DPP6: variants seen among roughly 807,000 people sequenced by gnomAD.
DPP6 encodes the protein dipeptidyl peptidase like 6.
DPP6 carries 69 observed loss-of-function variants against 122.6 expected under a neutral mutation model. That is an observed-to-expected ratio of 0.56 (90% confidence interval 0.46 to 0.69). The LOEUF is 0.69. DPP6 is among the 30% of genes least tolerant of loss of function. DPP6 has a pLI of 0.00. For synonymous variants in DPP6, 418 were observed against 433.1 expected, an observed-to-expected ratio of 0.97 and a Z score of 0.43; for missense variants, 928 against 1,116.9, an observed-to-expected ratio of 0.83 and a Z score of 2.41.
rs951670599 is a variant in DPP6, at chr7:154,343,204, C to T, written c.244-103010C>T. On this transcript the variant is annotated intron_variant, in intron 1 of 25. Transcript: ENST00000377770. The stretch of plus-strand genomic sequence containing the variant: ...TCATTACCTCATTTACTCACTGCAA[C>T]GCCACACACTTTGTGGCTTCCTGAT... Among the ~76,000 whole-genome samples the T allele has an allele frequency of 9.8e-5, 15 of 152,324 alleles. No individual in the cohort carries two copies. The East Asian group carries it at 1.9e-3, about 20-fold the overall frequency.
At chr7:153,808,349 G>C in the DPP6 span, among the ~76,000 whole-genome samples, 1 of 151,078 alleles carries the variant, frequency 6.6e-6, no homozygotes, top group Non-Finnish European at 1.5e-5. Flanking sequence ...GTTTGCACGT[G>C]TGTGTGTGGG....
Position 154,468,516 on chromosome 7 carries a change from A to T in DPP6, c.359-6423A>T, listed in dbSNP as rs554932948. 4.6e-5 allele frequency among the ~76,000 whole-genome samples: 7 copies of T among 152,360 alleles called. No homozygotes were observed. The South Asian group carries it at 1.2e-3, about 27-fold the overall frequency. On this transcript the variant is annotated intron_variant, in intron 2 of 25. Transcript: ENST00000377770. ...AAAGGAATAAACTAGGTAGGGAAAC[A>T]TATCAACCTATCCGCATATAATCAT...
rs551561805 is a variant in DPP6, at chr7:153,928,644, C to A, written c.51+40910C>A. Among the ~76,000 whole-genome samples, 239 of 151,982 alleles carry A rather than the reference C, an allele frequency of 1.6e-3. 1 individual carries two copies. Among genetic ancestry groups the A allele is most frequent in the African/African-American group, 5.2e-3 (217 of 41,474 alleles). On this transcript the variant is annotated intron_variant, in intron 1 of 25. Transcript: ENST00000404039. ...GGCTCTTTTATCAGGGCAACAATCC[C>A]ATTATGACATCTCCACCTCCACAGC...
At chr7:153,931,180 G>C (rs1265631017) in intron 1 of DPP6, among the ~76,000 whole-genome samples, 1 of 152,154 alleles carries the variant, frequency 6.6e-6, no homozygotes, top group Non-Finnish European at 1.5e-5. Flanking sequence ...TAAAAACCCT[G>C]ACTAATTACC....
intron 1 of DPP6, among the ~76,000 whole-genome samples, chr7:154,047,228 G>T (rs1015428885): frequency 1.4e-5 from 2 of 145,470 alleles, no homozygotes; most frequent in African/African-American, 5.6e-5. Flanking sequence ...TCAGCAGAGA[G>T]AACAGACACA....
At chr7:154,112,696 A>G (rs1011369261) in intron 1 of DPP6, among the ~76,000 whole-genome samples, 7 of 152,116 alleles carry the variant, frequency 4.6e-5, no homozygotes, top group Non-Finnish European at 8.8e-5. Flanking sequence ...TAAAACAGGG[A>G]AAAAAACATA....
intron 1 of DPP6, among the ~76,000 whole-genome samples, chr7:154,228,710 G>A (rs1172111124): frequency 1.3e-5 from 2 of 151,944 alleles, no homozygotes; most frequent in African/African-American, 2.4e-5. Context: ...ATGGAAAAGT[G>A]GACTTAAAAG....
At chr7:153,895,557 C>T (rs1267500186) in intron 1 of DPP6, among the ~76,000 whole-genome samples, 1 of 152,144 alleles carries the variant, frequency 6.6e-6, no homozygotes. Context: ...TCTCAGCTCG[C>T]CAGTCTTGTC....
the DPP6 span, among the ~76,000 whole-genome samples, chr7:153,788,229 G>A: frequency 5.3e-5 from 8 of 152,320 alleles, no homozygotes; most frequent in South Asian, 1.5e-3. Flanking sequence ...CCAGCCATGT[G>A]CCAGAAAAGT....
At chr7:153,967,694 G>A (rs1342292058) in intron 1 of DPP6, among the ~76,000 whole-genome samples, 1 of 151,982 alleles carries the variant, frequency 6.6e-6, no homozygotes, top group Admixed American at 6.5e-5. Context: ...CACTGTTGGT[G>A]GTGCTTCATG....
the DPP6 span, among the ~76,000 whole-genome samples, chr7:153,800,510 T>C: frequency 6.6e-6 from 1 of 152,144 alleles, no homozygotes; most frequent in Admixed American, 6.5e-5. Context: ...AACAGCACAG[T>C]GACTACAGTT....
intron 1 of DPP6, among the ~76,000 whole-genome samples, chr7:154,431,295 C>T (rs941464632): frequency 5.9e-5 from 9 of 151,992 alleles, no homozygotes; most frequent in African/African-American, 1.9e-4. Flanking sequence ...CTAGACCCAC[C>T]CTGCTTCCCT....
the DPP6 span, among the ~76,000 whole-genome samples, chr7:153,748,211 C>A: frequency 6.6e-6 from 1 of 152,098 alleles, no homozygotes. Flanking sequence ...CCTCCTCCGC[C>A]CACTCCACTG....
intron 5 of DPP6, among the ~76,000 whole-genome samples, chr7:154,593,636 C>T (rs569569109): frequency 3.1e-4 from 47 of 152,324 alleles, no homozygotes; most frequent in African/African-American, 1.0e-3. Flanking sequence ...CTCAGAAGAA[C>T]GGGCTGCAGC....
intron 1 of DPP6, among the ~76,000 whole-genome samples, chr7:154,147,078 G>C (rs1156527513): frequency 7.9e-5 from 12 of 152,102 alleles, no homozygotes; most frequent in Non-Finnish European, 1.5e-5. Flanking sequence ...CATTTCTCCT[G>C]TCTGAAAAAA....
intron 1 of DPP6, among the ~76,000 whole-genome samples, chr7:154,423,565 T>C (rs1817658688): frequency 6.6e-6 from 1 of 152,168 alleles, no homozygotes; most frequent in Non-Finnish European, 1.5e-5. Context: ...AAGGCCTAGT[T>C]AAAAAAGGAT....
At chr7:154,109,294 TTTC>T (rs1806394687) in intron 1 of DPP6, among the ~76,000 whole-genome samples, 1 of 152,260 alleles carries the variant, frequency 6.6e-6, no homozygotes. Flanking sequence ...TTTTTTCTTT[TTTC>T]TTTTTTCTTT....
chr7:154,178,844 G>A (rs1270631756), intron 1 of DPP6, among the ~76,000 whole-genome samples: 1 of 152,166 alleles, frequency 6.6e-6, no homozygotes, highest in African/African-American at 2.4e-5. Context: ...GCCTCAGATG[G>A]GGGAGAGAGG....
intron 4 of DPP6, among the ~76,000 whole-genome samples, chr7:154,553,974 G>C (rs967289439): frequency 4.0e-5 from 6 of 150,492 alleles, no homozygotes; most frequent in African/African-American, 1.2e-4. Flanking sequence ...AGGTTAGAGA[G>C]AACCGAGCTG....
Sources: allele counts gnomAD v4.1 joint callset (sites outside exome capture counted in the v4.1 genomes callset), GRCh38; gene constraint gnomAD v4.1.1; transcripts MANE v1.5; gene names NCBI Gene and HGNC (gene_info 2026-07-23, HGNC 2026-07-21).